PCDHGA7: variants seen among roughly 807,000 people sequenced by gnomAD.
The protein encoded by PCDHGA7 is protocadherin gamma-A7.
In PCDHGA7, 44 loss-of-function variants were observed where a neutral mutation model predicts 58.3. The ratio of observed to expected loss-of-function variants is 0.75; its 90% CI spans 0.59 to 0.97. The LOEUF (loss-of-function observed/expected upper bound fraction) is 0.97. Among genes scored for constraint, PCDHGA7 ranks in the 50% least tolerant of loss-of-function variants. PCDHGA7 has a pLI of 0.00. For synonymous variants in PCDHGA7, 516 were observed against 504.2 expected, an observed-to-expected ratio of 1.02 and a Z score of -0.31; for missense variants, 1,266 against 1,188.7, an observed-to-expected ratio of 1.06 and a Z score of -0.96.
intron 1 of PCDHGA7, chr5:141,387,572 T>C (rs369703788): frequency 1.9e-4 from 92 of 480,688 alleles, no homozygotes; most frequent in Non-Finnish European, 2.3e-4. Flanking sequence ...CAATTATAAT[T>C]ATTGCACTGG....
intron 1 of PCDHGA7, chr5:141,392,755 T>C: frequency 6.8e-7 from 1 of 1,460,466 alleles, no homozygotes; most frequent in South Asian, 1.5e-5. Context: ...GGCAAGAAAC[T>C]AAATAAGACC....
rs745457172 is a variant in PCDHGA7 at position 141,490,744 on chromosome 5, C to T, written c.2425-4063C>T. The stretch of plus-strand genomic sequence containing the variant: ...TGTAGGAAATCAGGTTCAGGGAGCC[C>T]CAGCCTCCTCCTTTGTGTATGTCAA... On this transcript the variant is annotated intron_variant, in intron 1 of 3. Coordinates refer to ENST00000518325, the MANE Select transcript of PCDHGA7 (RefSeq NM_018920.4). The surrounding 1 kb of genome is among the most constrained non-coding windows in gnomAD (Gnocchi z 5.4). 1 of 1,614,142 alleles carries T rather than the reference C, an allele frequency of 6.2e-7. No homozygotes were observed. Among genetic ancestry groups the T allele is most frequent in the Non-Finnish European group, 8.5e-7 (1 of 1,180,006 alleles).
intron 1 of PCDHGA7, chr5:141,417,615 A>G (rs908930043): frequency 3.2e-6 from 2 of 629,140 alleles, no homozygotes; most frequent in Non-Finnish European, 5.1e-6. Flanking sequence ...CGGCCAGTGC[A>G]GAGCAAGCGC....
chr5:141,428,459 A>G (rs1322945046), intron 1 of PCDHGA7: 2 of 350,154 alleles, frequency 5.7e-6, no homozygotes, highest in Non-Finnish European at 1.1e-5. Flanking sequence ...CCCAACTACA[A>G]TGAGGGAACT....
chr5:141,469,880 C>T (rs774827232), intron 1 of PCDHGA7, among the ~76,000 whole-genome samples: 7 of 152,210 alleles, frequency 4.6e-5, no homozygotes, highest in East Asian at 1.9e-4. Flanking sequence ...CCTGTAATCT[C>T]GGCACTTTGG....
chr5:141,501,290 T>TACACATAC (rs1224133816), intron 2 of PCDHGA7, among the ~76,000 whole-genome samples: 1,510 of 136,196 alleles, frequency 0.011, 8 homozygotes, highest in Admixed American at 0.014. Flanking sequence ...TATTCCCTTA[T>TACACATAC]ACACACACAC....
At position 141,432,669 on chromosome 5, in the gene PCDHGA7, C is replaced by T. The variant is rs777314784; in HGVS notation, c.2424+47346C>T. ...GCGCGAGCCCTGCTGGACAGAGACG[C>T]GCTCAAGCAGAGCCTCGTAGTGGCC... On this transcript the variant is annotated intron_variant, in intron 1 of 3. Transcript: ENST00000518325. This position sits in a 1 kb window ranked among gnomAD's most constrained non-coding sequence, Gnocchi z 6.0. 1 of 1,613,894 alleles carries T rather than the reference C, an allele frequency of 6.2e-7. No homozygotes were observed.
chr5:141,469,753 T>C (rs564585597), intron 1 of PCDHGA7, among the ~76,000 whole-genome samples: 1 of 152,322 alleles, frequency 6.6e-6, no homozygotes, highest in East Asian at 1.9e-4. Flanking sequence ...ATTACAAAAA[T>C]ACATATATAC....
chr5:141,409,900 T>G (rs756245078), intron 1 of PCDHGA7: 1 of 1,613,144 alleles, frequency 6.2e-7, no homozygotes, highest in Non-Finnish European at 8.5e-7. Flanking sequence ...TGTACCCAGC[T>G]CTGGGTCCTG....
At chr5:141,415,569 A>G (rs962518094) in intron 1 of PCDHGA7, 12 of 1,614,092 alleles carry the variant, frequency 7.4e-6, no homozygotes, top group Non-Finnish European at 1.0e-5. Flanking sequence ...TGTCTTTGTT[A>G]GATGATTCGA....
At chr5:141,409,262 G>A (rs768196825) in intron 1 of PCDHGA7, 2 of 1,613,834 alleles carry the variant, frequency 1.2e-6, no homozygotes, top group African/African-American at 2.7e-5. Flanking sequence ...TTCTCTCTCT[G>A]ATCAGATTTT....
chr5:141,460,505 A>T (rs1430823912), intron 1 of PCDHGA7, among the ~76,000 whole-genome samples: 1 of 152,150 alleles, frequency 6.6e-6, no homozygotes, highest in Non-Finnish European at 1.5e-5. Context: ...ATATGCTGAG[A>T]AGGCTATCTT....
intron 1 of PCDHGA7, among the ~76,000 whole-genome samples, chr5:141,445,567 T>C (rs1465765772): frequency 6.6e-6 from 1 of 152,142 alleles, no homozygotes; most frequent in Admixed American, 6.5e-5. Context: ...AGAGAAAGCT[T>C]ATAGTAGGGA....
chr5:141,399,832 G>A, intron 1 of PCDHGA7: 1 of 1,613,152 alleles, frequency 6.2e-7, no homozygotes, highest in African/African-American at 1.3e-5. Flanking sequence ...CGACGGCTCT[G>A]CGCTCTTCGA....
intron 1 of PCDHGA7, among the ~76,000 whole-genome samples, chr5:141,494,188 T>G (rs2099752632): frequency 6.6e-6 from 1 of 152,186 alleles, no homozygotes; most frequent in Non-Finnish European, 1.5e-5. Flanking sequence ...GTCCCGGGAC[T>G]TGGATGCCCC....
chr5:141,414,078 T>C lies in PCDHGA7; in HGVS notation c.2424+28755T>C, dbSNP rs777190406. 3.1e-6 allele frequency: 5 copies of C among 1,603,326 alleles called. No individual in the cohort carries two copies. In the South Asian group the frequency reaches 4.5e-5, roughly 14 times the overall value. ...TGTTGAAGTTCCAACTAAACAAATA[T>C]ACTGGAGAAATAAAAATATCAGAAA... On this transcript the variant is annotated intron_variant, in intron 1 of 3. Transcript: ENST00000518325.
At chr5:141,389,197 T>C (rs2091642576) in intron 1 of PCDHGA7, 1 of 1,614,010 alleles carries the variant, frequency 6.2e-7, no homozygotes, top group East Asian at 2.2e-5. Context: ...AGCATCACCC[T>C]GCACATTGGT....
At position 141,491,591 on chromosome 5, in the gene PCDHGA7, G is replaced by A. The variant is rs969259993; in HGVS notation, c.2425-3216G>A. 22 of 1,613,862 alleles carry A rather than the reference G, an allele frequency of 1.4e-5. No individual in the cohort carries two copies. The highest frequency in any genetic ancestry group is 1.8e-5 in the Non-Finnish European group (21 of 1,180,048). ...ACGTGCTTTTCACCGGCCTCGGACG[G>A]CAGTGACTTCACTTTTCTAAGACCC... On this transcript the variant is annotated intron_variant, in intron 1 of 3. Coordinates refer to ENST00000518325, the MANE Select transcript of PCDHGA7 (RefSeq NM_018920.4). This position sits in a 1 kb window ranked among gnomAD's most constrained non-coding sequence, Gnocchi z 6.9.
intron 1 of PCDHGA7, among the ~76,000 whole-genome samples, chr5:141,468,758 C>T (rs929005462): frequency 6.6e-5 from 10 of 151,684 alleles, no homozygotes; most frequent in African/African-American, 2.2e-4. Context: ...CCCAGCTACT[C>T]GGGAGGCTGA....
Sources: gnomAD v4.1 joint callset for allele counts (sites outside exome capture counted in the v4.1 genomes callset) on GRCh38, gnomAD v4.1.1 for gene constraint, Gnocchi (gnomAD v3.1) non-coding constraint, MANE v1.5 for transcripts, NCBI Gene and HGNC (gene_info 2026-07-23, HGNC 2026-07-21) for gene names.